PRR5: variants seen among roughly 807,000 people sequenced by gnomAD.
The protein encoded by PRR5 is proline-rich protein 5.
A neutral mutation model predicts 30.6 loss-of-function variants in PRR5; 25 were observed. That is an observed-to-expected ratio of 0.82 (90% CI 0.60 to 1.14). The LOEUF is 1.14. PRR5 is among the 50% of genes most tolerant of loss of function. PRR5 has a pLI of 0.00. For missense variants in PRR5, 600 were observed against 547.1 expected (o/e 1.10, Z -0.96); for synonymous variants, 286 against 247.1 (o/e 1.16, Z -1.48).
chr22:44,707,276 G>T (rs1182378134), intron 1 of PRR5, among the ~76,000 whole-genome samples: 2 of 152,234 alleles, frequency 1.3e-5, no homozygotes, highest in Non-Finnish European at 2.9e-5. Context: ...CACTGGAGGA[G>T]GAGGAGGTGG....
intron 4 of PRR5, chr22:44,730,658 C>T (rs1405792696): frequency 9.7e-6 from 10 of 1,032,554 alleles, no homozygotes; most frequent in Non-Finnish European, 9.3e-6. Context: ...CTGGCAAGCC[C>T]AGCTCCTATA....
At chr22:44,677,279 C>T (rs1231033508) in intron 1 of PRR5, 1 of 152,570 alleles carries the variant, frequency 6.6e-6, no homozygotes. Flanking sequence ...GGTGGGGACG[C>T]CTGGGCGTGG....
At position 44,702,466 on chromosome 22, in the gene PRR5, C is replaced by A; in HGVS notation, c.-9C>A. The A allele has an allele frequency of 7.2e-7, 1 of 1,381,900 alleles. No individual in the cohort carries two copies. The highest frequency in any genetic ancestry group is 1.7e-5 in the South Asian group (1 of 59,982). 85.6% of individuals were successfully genotyped at this position (1,381,900 alleles called of 1,614,324 possible). A position where few individuals can be genotyped will look rare whatever the true frequency, so the allele number is the denominator to read the frequency against. ...GCGCGTGGGCGCGGCGCAGGCGGCC[C>A]GGGTCACCATGAGGACTCTCCGCAG... is the stretch of plus-strand genomic sequence containing the variant. On this transcript the variant is annotated 5_prime_UTR_variant, in exon 1 of 8. Transcript: ENST00000336985.
rs753262164 is a variant in PRR5, at chr22:44,722,199, A to G, written c.216-3045A>G. 7.7e-4 allele frequency among the ~76,000 whole-genome samples: 117 copies of G among 152,234 alleles called. 1 individual carries two copies. The highest frequency in any genetic ancestry group is 1.5e-3 in the Non-Finnish European group (99 of 68,044). On this transcript the variant is annotated intron_variant, in intron 2 of 7. Transcript: ENST00000336985. ...GGCCTCAACGCCAGTCCTGTTACTA[A>G]GGGAAGCTGCTGGCCAGGAGCAGGG... is the stretch of plus-strand genomic sequence containing the variant.
chr22:44,728,681 CAG>C (rs1921318523), intron 4 of PRR5, among the ~76,000 whole-genome samples: 1 of 152,226 alleles, frequency 6.6e-6, no homozygotes, highest in Non-Finnish European at 1.5e-5. Context: ...TGGGCGGCCT[CAG>C]GGGCCTCCCC....
chr22:44,705,327 A>AT (rs532526394), intron 1 of PRR5, among the ~76,000 whole-genome samples: 1 of 150,476 alleles, frequency 6.6e-6, no homozygotes, highest in Non-Finnish European at 1.5e-5. Flanking sequence ...CTCTCTCTCT[A>AT]TTTTTTTTCC....
chr22:44,686,916 C>T lies in PRR5; in HGVS notation c.-11+9676C>T, dbSNP rs551190389. On this transcript the variant is annotated intron_variant, in intron 1 of 8. Coordinates refer to the PRR5 transcript ENST00000006251. ...CATGAACTACCACACCCGGCAAATA[C>T]GATATTTGATTCCTTCTTTTACATC... Among the ~76,000 whole-genome samples the T allele has an allele frequency of 9.9e-5, 15 of 152,268 alleles. No individual in the cohort carries two copies. The South Asian group carries it at 1.9e-3, about 19-fold the overall frequency.
intron 1 of PRR5, among the ~76,000 whole-genome samples, chr22:44,684,901 C>T (rs1385773146): frequency 6.6e-6 from 1 of 152,220 alleles, no homozygotes; most frequent in Non-Finnish European, 1.5e-5. Context: ...ATTCTGGAGC[C>T]TCCCTTTACT....
upstream of PRR5, among the ~76,000 whole-genome samples, chr22:44,699,494 C>T (rs1447262966): frequency 2.0e-5 from 3 of 152,270 alleles, no homozygotes; most frequent in Non-Finnish European, 4.4e-5. Flanking sequence ...ATCTGTCCAG[C>T]CTGGGCACTT....
intron 2 of PRR5, among the ~76,000 whole-genome samples, chr22:44,715,529 G>T (rs76625827): frequency 6.6e-6 from 1 of 152,126 alleles, no homozygotes; most frequent in African/African-American, 2.4e-5. Flanking sequence ...CTTGTTCAGG[G>T]TGTCCTGCTT....
At chr22:44,682,005 C>G (rs948269017) in intron 1 of PRR5, among the ~76,000 whole-genome samples, 3 of 152,194 alleles carry the variant, frequency 2.0e-5, no homozygotes, top group African/African-American at 7.2e-5. Flanking sequence ...ATCTGCAGGG[C>G]CTGGGAGACA....
At position 44,735,029 on chromosome 22, in the gene PRR5, G is replaced by T. The variant is rs1199018137; in HGVS notation, c.558G>T (p.Gly186=). The part of the protein sequence containing the change: ...AIVQMLLVLQ[G]VHESRGVTED... ...CCCCCTGCCCCACTCTCCTGCAGGG[G>T]GTACATGAGTCCAGGGGCGTGACTG... The change falls in exon 7 of 8, where the codon GGG becomes GGT. Residue 186 remains glycine (G), a splice_region_variant and synonymous_variant. Transcript: ENST00000336985. The T allele has an allele frequency of 1.2e-6, 2 of 1,612,350 alleles. No individual in the cohort carries two copies. Among genetic ancestry groups the T allele is most frequent in the East Asian group, 4.5e-5 (2 of 44,886 alleles).
chr22:44,701,361 T>A (rs1926268496), upstream of PRR5, among the ~76,000 whole-genome samples: 1 of 152,216 alleles, frequency 6.6e-6, no homozygotes. Context: ...TTGCACAATG[T>A]TGGCACAATG....
chr22:44,715,813 C>T (rs1928966380), intron 2 of PRR5, among the ~76,000 whole-genome samples: 1 of 152,060 alleles, frequency 6.6e-6, no homozygotes, highest in Admixed American at 6.6e-5. Context: ...CCACCACACC[C>T]GGCTAATTTT....
intron 4 of PRR5, chr22:44,729,338 C>G (rs1399155522): frequency 1.0e-6 from 1 of 984,104 alleles, no homozygotes; most frequent in Admixed American, 6.1e-5. Flanking sequence ...CCTCAGCACT[C>G]GGATAAAGAA....
chr22:44,726,770 A>C, intron 4 of PRR5, 136 bp downstream of exon 4: 2 of 1,354,242 alleles, frequency 1.5e-6, no homozygotes, highest in Non-Finnish European at 2.0e-6. Flanking sequence ...AGGAACACGT[A>C]TAGCCTTAGG....
Position 44,709,493 on chromosome 22 carries a change from C to T in PRR5, c.135-5098C>T, listed in dbSNP as rs559650155. 6.6e-5 allele frequency among the ~76,000 whole-genome samples: 10 copies of T among 152,136 alleles called. No individual in the cohort carries two copies. The South Asian group carries it at 1.5e-3, about 22-fold the overall frequency. On this transcript the variant is annotated intron_variant, in intron 1 of 7. Coordinates refer to ENST00000336985, the MANE Select transcript of PRR5 (RefSeq NM_181333.4). ...GGAAAAGGCGGGGACAGGTATTTCT[C>T]CCCCCGCCCGAGCCTCCAGAAGGAA... is the stretch of plus-strand genomic sequence containing the variant.
intron 7 of PRR5, among the ~76,000 whole-genome samples, chr22:44,736,145 T>A (rs1305230709): frequency 6.6e-6 from 1 of 152,170 alleles, no homozygotes; most frequent in African/African-American, 2.4e-5. Context: ...GCCTCCTCCC[T>A]GGGTCCCCAC....
At chr22:44,677,552 G>A (rs1382160284) in intron 1 of PRR5, among the ~76,000 whole-genome samples, 1 of 152,230 alleles carries the variant, frequency 6.6e-6, no homozygotes, top group East Asian at 1.9e-4. Flanking sequence ...CATGGGGTGG[G>A]ACGAAGGGCA....
Sources: allele counts gnomAD v4.1 joint callset (sites outside exome capture counted in the v4.1 genomes callset), GRCh38; gene constraint gnomAD v4.1.1; transcripts MANE v1.5; gene names NCBI Gene and HGNC (gene_info 2026-07-23, HGNC 2026-07-21).